Variants in RAPGEF4 observed in about 807,000 individuals in gnomAD.
RAPGEF4 encodes the protein Rap guanine nucleotide exchange factor 4.
RAPGEF4 carries 66 observed loss-of-function variants against 147.9 expected under a neutral mutation model. The observed-to-expected ratio is 0.45, with a 90% CI of 0.37 to 0.55. The LOEUF (loss-of-function observed/expected upper bound fraction) is 0.55, where lower values mean the gene tolerates loss of function less well. Among genes scored for constraint, RAPGEF4 ranks in the 20% least tolerant of loss-of-function variants. The pLI, the probability that RAPGEF4 is intolerant of heterozygous loss-of-function variation, is 0.00. For synonymous variants in RAPGEF4, 419 were observed against 442.7 expected (o/e 0.95, Z 0.67); for missense variants, 1,071 against 1,257.3 (o/e 0.85, Z 2.24).
intron 1 of RAPGEF4, among the ~76,000 whole-genome samples, chr2:172,768,588 G>A (rs1292542899): frequency 6.6e-6 from 1 of 151,986 alleles, no homozygotes; most frequent in African/African-American, 2.4e-5. Flanking sequence ...AGGCGGAAGA[G>A]TGCCAGTTGT....
At chr2:172,898,344 C>T (rs547156791) in intron 4 of RAPGEF4, among the ~76,000 whole-genome samples, 57 of 152,266 alleles carry the variant, frequency 3.7e-4, no homozygotes, top group African/African-American at 1.2e-3. Context: ...CCCGCCTGCT[C>T]GCTGGATACC....
At chr2:172,923,128 A>G (rs1684932718) in intron 6 of RAPGEF4, among the ~76,000 whole-genome samples, 1 of 152,154 alleles carries the variant, frequency 6.6e-6, no homozygotes, top group Non-Finnish European at 1.5e-5. Context: ...TTCAATTTAG[A>G]TTATTTCCAT....
At chr2:172,884,713 G>A (rs989887329) in intron 4 of RAPGEF4, among the ~76,000 whole-genome samples, 4 of 152,150 alleles carry the variant, frequency 2.6e-5, no homozygotes, top group Non-Finnish European at 5.9e-5. Flanking sequence ...AATGATCTGT[G>A]CCCATGCTGT....
chr2:172,887,344 C>G lies in RAPGEF4; in HGVS notation c.445-30458C>G, dbSNP rs554147382. Among the ~76,000 whole-genome samples the G allele has an allele frequency of 2.0e-5, 3 of 152,254 alleles. No individual in the cohort carries two copies. In the East Asian group the frequency reaches 5.8e-4, roughly 29 times the overall value. ...CATTTTAAGCATACACATTTTATCA[C>G]CTCACTCATTTACTTAAAAAAAATT... On this transcript the variant is annotated intron_variant, in intron 4 of 30. Coordinates refer to ENST00000397081, the MANE Select transcript of RAPGEF4 (RefSeq NM_007023.4).
intron 4 of RAPGEF4, among the ~76,000 whole-genome samples, chr2:172,887,760 T>A (rs936265456): frequency 6.6e-6 from 1 of 152,090 alleles, no homozygotes; most frequent in Non-Finnish European, 1.5e-5. Context: ...AACCTTTTCG[T>A]GCATCTGAGC....
At position 172,764,726 on chromosome 2, in the gene RAPGEF4, T is replaced by C. The variant is rs74492838; in HGVS notation, c.65+28678T>C. ...CTTTGAGAGCCATACCCTTATGACG[T>C]GTCTACACAGTATCTAAGGTGCCTG... On this transcript the variant is annotated intron_variant, in intron 1 of 30. Transcript: ENST00000397081. 2.2e-3 allele frequency among the ~76,000 whole-genome samples: 329 copies of C among 152,258 alleles called. 2 individuals carry two copies. Among genetic ancestry groups the C allele is most frequent in the East Asian group, 0.019 (100 of 5,178 alleles).
intron 17 of RAPGEF4, among the ~76,000 whole-genome samples, chr2:173,005,719 C>T (rs1223977449): frequency 2.0e-5 from 3 of 152,000 alleles, no homozygotes; most frequent in African/African-American, 7.2e-5. Context: ...GATGGAGTTT[C>T]ACCATGTTGG....
intron 1 of RAPGEF4, among the ~76,000 whole-genome samples, chr2:172,789,780 T>C (rs1685615721): frequency 6.6e-6 from 1 of 152,202 alleles, no homozygotes; most frequent in African/African-American, 2.4e-5. Flanking sequence ...TTGTCACAGA[T>C]TGCAGAATGT....
intron 29 of RAPGEF4, among the ~76,000 whole-genome samples, chr2:173,044,301 G>A (rs931087101): frequency 1.3e-5 from 2 of 151,994 alleles, no homozygotes; most frequent in African/African-American, 4.8e-5. Flanking sequence ...ATTGTCTTAT[G>A]CAAATGCATT....
At chr2:172,865,066 C>T (rs1694475743) in intron 4 of RAPGEF4, among the ~76,000 whole-genome samples, 1 of 152,206 alleles carries the variant, frequency 6.6e-6, no homozygotes, top group Admixed American at 6.5e-5. Context: ...CAGTTGTAGG[C>T]TTTCTCTTGC....
intron 4 of RAPGEF4, among the ~76,000 whole-genome samples, chr2:172,837,708 C>T (rs1334685948): frequency 6.6e-6 from 1 of 152,142 alleles, no homozygotes; most frequent in Non-Finnish European, 1.5e-5. Context: ...GCTGGGACTA[C>T]AGGTGTGCAC....
At chr2:172,854,689 A>C (rs1239072562) in intron 4 of RAPGEF4, among the ~76,000 whole-genome samples, 1 of 151,606 alleles carries the variant, frequency 6.6e-6, no homozygotes, top group East Asian at 1.9e-4. Context: ...GGATTAATTA[A>C]TTTTTTTATA....
At chr2:172,779,631 C>G (rs1447575700) in intron 1 of RAPGEF4, among the ~76,000 whole-genome samples, 1 of 152,092 alleles carries the variant, frequency 6.6e-6, no homozygotes, top group Non-Finnish European at 1.5e-5. Flanking sequence ...CAGGGAGCCA[C>G]TGGAGAGTTT....
chr2:172,758,368 T>C (rs970714610), intron 1 of RAPGEF4, among the ~76,000 whole-genome samples: 3 of 152,182 alleles, frequency 2.0e-5, no homozygotes, highest in African/African-American at 7.2e-5. Flanking sequence ...GGTTTTACTC[T>C]GAGTGAAATA....
intron 3 of RAPGEF4, among the ~76,000 whole-genome samples, chr2:172,809,923 G>A (rs1462517962): frequency 2.0e-5 from 3 of 152,166 alleles, no homozygotes; most frequent in African/African-American, 7.2e-5. Flanking sequence ...GGATCAAGTG[G>A]ATCTCAATAT....
chr2:173,051,830 A>T lies in RAPGEF4; in HGVS notation c.*63A>T. ...CCACAATCTTTCAAAAATGCCATTTATGCTACTACTGACTGTATTGCCACT... is the reference window on the plus strand; with the variant it reads ...CCACAATCTTTCAAAAATGCCATTTTTGCTACTACTGACTGTATTGCCACT... On this transcript the variant is annotated 3_prime_UTR_variant, in exon 31 of 31. Coordinates refer to ENST00000397081, the MANE Select transcript of RAPGEF4 (RefSeq NM_007023.4). 6.3e-7 allele frequency: 1 copy of T among 1,575,944 alleles called. No homozygotes were observed. Among genetic ancestry groups the T allele is most frequent in the East Asian group, 2.2e-5 (1 of 44,500 alleles).
chr2:173,046,528 G>A (rs1053810567), intron 29 of RAPGEF4, among the ~76,000 whole-genome samples: 4 of 152,240 alleles, frequency 2.6e-5, no homozygotes, highest in Middle Eastern at 3.4e-3. Flanking sequence ...AATATCTGAA[G>A]AATTACAATA....
intron 17 of RAPGEF4, among the ~76,000 whole-genome samples, chr2:173,010,232 A>G (rs1400399425): frequency 6.6e-6 from 1 of 152,244 alleles, no homozygotes; most frequent in Non-Finnish European, 1.5e-5. Context: ...CACTTAAATT[A>G]TATGGCCTTT....
intron 4 of RAPGEF4, among the ~76,000 whole-genome samples, chr2:172,829,364 C>G (rs1690035612): frequency 6.6e-6 from 1 of 152,176 alleles, no homozygotes; most frequent in Non-Finnish European, 1.5e-5. Flanking sequence ...GTGTGTTACC[C>G]TGGCACTTGG....
Sources: allele counts gnomAD v4.1 joint callset (sites outside exome capture counted in the v4.1 genomes callset), GRCh38; gene constraint gnomAD v4.1.1; transcripts MANE v1.5; gene names NCBI Gene and HGNC (gene_info 2026-07-23, HGNC 2026-07-21).